The following LCLAT1 variants were observed in gnomAD, a reference collection of about 807,000 sequenced individuals.
The protein encoded by LCLAT1 is lysocardiolipin acyltransferase 1.
In LCLAT1, 11 loss-of-function variants were observed where a neutral mutation model predicts 30.7. The ratio of observed to expected loss-of-function variants is 0.36; its 90% confidence interval spans 0.23 to 0.59. The LOEUF (loss-of-function observed/expected upper bound fraction) is 0.59, where lower values mean the gene tolerates loss of function less well. LCLAT1 is among the 20% of genes least tolerant of loss of function. The pLI is 0.77. For synonymous variants in LCLAT1, 155 were observed against 151.3 expected (o/e 1.02, Z -0.18); for missense variants, 402 against 458.6 (o/e 0.88, Z 1.13).
chr2:30,563,589 A>G (rs1277541570), intron 4 of LCLAT1, among the ~76,000 whole-genome samples: 1 of 152,204 alleles, frequency 6.6e-6, no homozygotes, highest in Non-Finnish European at 1.5e-5. Context: ...AGCAGGAGAG[A>G]ACTGAAGTCT....
chr2:30,537,781 TA>T (rs1663864125), intron 3 of LCLAT1, among the ~76,000 whole-genome samples: 1 of 152,224 alleles, frequency 6.6e-6, no homozygotes, highest in Non-Finnish European at 1.5e-5. Context: ...GAATATACAT[TA>T]TTTTCATCAA....
At chr2:30,482,031 A>C (rs893307397) in intron 1 of LCLAT1, among the ~76,000 whole-genome samples, 4 of 152,234 alleles carry the variant, frequency 2.6e-5, no homozygotes, top group African/African-American at 9.6e-5. Context: ...CTAGAGAACT[A>C]GTATTATAAA....
intron 5 of LCLAT1, among the ~76,000 whole-genome samples, chr2:30,583,638 C>T (rs1465175579): frequency 6.6e-6 from 1 of 152,100 alleles, no homozygotes; most frequent in Non-Finnish European, 1.5e-5. Flanking sequence ...CCGAATTTGG[C>T]CAGTGTATTA....
chr2:30,610,925 G>C (rs1480742379), intron 5 of LCLAT1, among the ~76,000 whole-genome samples: 1 of 151,594 alleles, frequency 6.6e-6, no homozygotes, highest in Non-Finnish European at 1.5e-5. Context: ...TACCATCCTT[G>C]TGCTTTTCTT....
intron 3 of LCLAT1, among the ~76,000 whole-genome samples, chr2:30,540,810 G>A (rs112853355): frequency 0.013 from 2,037 of 151,890 alleles, 36 homozygotes; most frequent in African/African-American, 0.046. Context: ...GATTACAGGC[G>A]CCTGCCACCA....
At chr2:30,460,063 C>G in intron 1 of LCLAT1, among the ~76,000 whole-genome samples, 1 of 152,068 alleles carries the variant, frequency 6.6e-6, no homozygotes, top group East Asian at 1.9e-4. Context: ...GGAGGTTATC[C>G]CTTACACTTT....
At chr2:30,489,565 G>A (rs539455894) in intron 1 of LCLAT1, among the ~76,000 whole-genome samples, 1 of 152,310 alleles carries the variant, frequency 6.6e-6, no homozygotes, top group African/African-American at 2.4e-5. Flanking sequence ...TGTTAGCCAG[G>A]ATGGTCTCGA....
intron 1 of LCLAT1, among the ~76,000 whole-genome samples, chr2:30,524,121 AAC>A (rs1685599804): frequency 6.6e-6 from 1 of 152,126 alleles, no homozygotes; most frequent in Admixed American, 6.5e-5. Context: ...TCTGAGGCAA[AAC>A]ACAGTTTTTC....
chr2:30,503,042 A>G (rs947797305), intron 1 of LCLAT1, among the ~76,000 whole-genome samples: 27 of 152,182 alleles, frequency 1.8e-4, no homozygotes, highest in Non-Finnish European at 5.9e-5. Flanking sequence ...TTTCAATTAC[A>G]TGCAAATTAA....
At chr2:30,467,818 C>T (rs1482687397) in intron 1 of LCLAT1, among the ~76,000 whole-genome samples, 3 of 152,104 alleles carry the variant, frequency 2.0e-5, no homozygotes, top group African/African-American at 7.2e-5. Context: ...TGTTTGAGTT[C>T]TTTGTAGATT....
At chr2:30,453,428 C>T (rs964684140) in intron 1 of LCLAT1, among the ~76,000 whole-genome samples, 11 of 152,160 alleles carry the variant, frequency 7.2e-5, no homozygotes, top group African/African-American at 1.2e-4. Context: ...TTTACCATTT[C>T]TTCTTTCATA....
At chr2:30,561,254 A>AT (rs1268276652) in intron 3 of LCLAT1, among the ~76,000 whole-genome samples, 1 of 151,780 alleles carries the variant, frequency 6.6e-6, no homozygotes, top group Non-Finnish European at 1.5e-5. Context: ...CTTGTATGCT[A>AT]TTTTTATCCT....
At chr2:30,562,965 C>T (rs1168003278) in intron 4 of LCLAT1, among the ~76,000 whole-genome samples, 2 of 152,132 alleles carry the variant, frequency 1.3e-5, no homozygotes, top group Non-Finnish European at 2.9e-5. Flanking sequence ...TAGCTTTGCC[C>T]TTCTTCAAGA....
At chr2:30,466,986 A>C (rs890234457) in intron 1 of LCLAT1, among the ~76,000 whole-genome samples, 1 of 152,348 alleles carries the variant, frequency 6.6e-6, no homozygotes, top group East Asian at 1.9e-4. Context: ...CATGTGCACA[A>C]CGTGCAGGTT....
At chr2:30,471,772 T>G (rs1682808033) in intron 1 of LCLAT1, among the ~76,000 whole-genome samples, 1 of 152,160 alleles carries the variant, frequency 6.6e-6, no homozygotes, top group African/African-American at 2.4e-5. Flanking sequence ...TCTAGTAGTA[T>G]TTTTGTGGGT....
intron 1 of LCLAT1, among the ~76,000 whole-genome samples, chr2:30,477,779 G>A (rs946338967): frequency 2.0e-5 from 3 of 152,174 alleles, no homozygotes. Context: ...AAGAAGTCTA[G>A]AAAGATTGAG....
chr2:30,448,977 C>G (rs1662949), intron 1 of LCLAT1, among the ~76,000 whole-genome samples: 33,839 of 152,120 alleles, frequency 0.22, 3,852 homozygotes, highest in East Asian at 0.35. Context: ...AAATTTATTC[C>G]TCTGCATTCA....
intron 3 of LCLAT1, among the ~76,000 whole-genome samples, chr2:30,544,205 G>A (rs1664286334): frequency 6.6e-6 from 1 of 152,074 alleles, no homozygotes; most frequent in Admixed American, 6.6e-5. Context: ...GTCTGCTTCT[G>A]CTCCCTCTCT....
intron 5 of LCLAT1, among the ~76,000 whole-genome samples, chr2:30,629,475 G>A (rs187846513): frequency 5.9e-5 from 9 of 152,246 alleles, no homozygotes; most frequent in East Asian, 1.9e-4. Context: ...CAGGAGAATC[G>A]CTTGAACCCG....
Sources: allele counts gnomAD v4.1 joint callset (sites outside exome capture counted in the v4.1 genomes callset), GRCh38; gene constraint gnomAD v4.1.1; transcripts MANE v1.5; gene names NCBI Gene and HGNC (gene_info 2026-07-23, HGNC 2026-07-21).